The following OPCML variants were observed in gnomAD, a reference collection of about 807,000 sequenced individuals.
The protein encoded by OPCML is opioid binding protein/cell adhesion molecule like.
A neutral mutation model predicts 37.8 loss-of-function variants in OPCML; 13 were observed. The ratio of observed to expected loss-of-function variants is 0.34; its 90% CI spans 0.22 to 0.55. The LOEUF (loss-of-function observed/expected upper bound fraction) is 0.55, where lower values mean the gene tolerates loss of function less well. Ranked by LOEUF, OPCML falls within the 20% of genes least tolerant of loss-of-function variation. The probability of loss-of-function intolerance (pLI) is 0.91; values close to 1 mark genes in which losing one functional copy is unlikely to be tolerated. For synonymous variants in OPCML, 176 were observed against 168.8 expected, an observed-to-expected ratio of 1.04 and a Z score of -0.33; for missense variants, 341 against 435.6, an observed-to-expected ratio of 0.78 and a Z score of 1.93.
intron 4 of OPCML, among the ~76,000 whole-genome samples, chr11:132,507,724 A>T (rs1387759817): frequency 6.6e-6 from 1 of 151,884 alleles, no homozygotes; most frequent in Non-Finnish European, 1.5e-5. Flanking sequence ...TCATAGTTCA[A>T]ATAGAGGATC....
chr11:133,347,553 T>C (rs566186031), intron 1 of OPCML, among the ~76,000 whole-genome samples: 1 of 152,324 alleles, frequency 6.6e-6, no homozygotes, highest in East Asian at 1.9e-4. Context: ...TGGAATTTAC[T>C]ATCCACTGAG....
intron 1 of OPCML, among the ~76,000 whole-genome samples, chr11:132,944,472 C>T (rs934713633): frequency 1.3e-5 from 2 of 152,166 alleles, no homozygotes; most frequent in Non-Finnish European, 2.9e-5. Flanking sequence ...GGACCCACCT[C>T]GGAAACGCCC....
intron 3 of OPCML, among the ~76,000 whole-genome samples, chr11:132,630,485 T>C (rs531445130): frequency 6.6e-6 from 1 of 152,264 alleles, no homozygotes; most frequent in South Asian, 2.1e-4. Context: ...TATGAGAGAA[T>C]GTATTTGTTA....
chr11:133,250,538 AAGGAAG>A (rs1941096001), intron 1 of OPCML, among the ~76,000 whole-genome samples: 1 of 76,574 alleles, frequency 1.3e-5, no homozygotes, highest in Admixed American at 2.1e-4. Context: ...GGAGGGAGGG[AAGGAAG>A]GAAGGAAGGA....
At chr11:132,757,794 T>C (rs1380045331) in intron 2 of OPCML, among the ~76,000 whole-genome samples, 3 of 152,102 alleles carry the variant, frequency 2.0e-5, no homozygotes, top group African/African-American at 4.8e-5. Flanking sequence ...AGAAACTCTT[T>C]AGTTTAATTA....
chr11:132,423,151 C>T (rs1592151491), intron 7 of OPCML, among the ~76,000 whole-genome samples: 1 of 152,150 alleles, frequency 6.6e-6, no homozygotes, highest in East Asian at 1.9e-4. Flanking sequence ...ATTCCATCTC[C>T]CCTGAGACAG....
chr11:133,366,914 G>A (rs1469962608), intron 1 of OPCML, among the ~76,000 whole-genome samples: 2 of 152,090 alleles, frequency 1.3e-5, no homozygotes, highest in Non-Finnish European at 2.9e-5. Context: ...GACACCCAGC[G>A]GGACAACCCG....
chr11:133,264,122 G>C (rs968814246), intron 1 of OPCML, among the ~76,000 whole-genome samples: 2 of 152,148 alleles, frequency 1.3e-5, no homozygotes, highest in African/African-American at 4.8e-5. Context: ...TCAACCATTT[G>C]AGTTGCTGAG....
chr11:132,440,719 C>T (rs2096029860), intron 4 of OPCML, among the ~76,000 whole-genome samples: 1 of 152,144 alleles, frequency 6.6e-6, no homozygotes, highest in South Asian at 2.1e-4. Context: ...CATGTTTCTT[C>T]GTTGAAAAAG....
intron 2 of OPCML, among the ~76,000 whole-genome samples, chr11:132,816,624 A>G (rs781318950): frequency 1.6e-4 from 25 of 152,306 alleles, no homozygotes; most frequent in Non-Finnish European, 3.1e-4. Context: ...TTCAGGGAAC[A>G]AGGCTATTAC....
At chr11:133,392,650 G>A (rs913078191) in intron 1 of OPCML, among the ~76,000 whole-genome samples, 23 of 152,186 alleles carry the variant, frequency 1.5e-4, no homozygotes, top group African/African-American at 5.5e-4. Flanking sequence ...TAGCTCCAAG[G>A]AGTTGCCCTT....
chr11:132,829,722 T>A (rs539587255), intron 2 of OPCML, among the ~76,000 whole-genome samples: 8 of 152,318 alleles, frequency 5.3e-5, no homozygotes, highest in African/African-American at 1.9e-4. Flanking sequence ...CAGAATCCTT[T>A]CTGTTTTTGG....
intron 1 of OPCML, among the ~76,000 whole-genome samples, chr11:133,248,616 A>T (rs1275936641): frequency 6.6e-6 from 1 of 152,232 alleles, no homozygotes; most frequent in African/African-American, 2.4e-5. Flanking sequence ...GCTGCTCAGC[A>T]TGAGGTTCTG....
intron 2 of OPCML, among the ~76,000 whole-genome samples, chr11:132,744,557 A>G (rs1201836722): frequency 6.6e-6 from 1 of 152,138 alleles, no homozygotes; most frequent in Non-Finnish European, 1.5e-5. Context: ...AGGTCTCAAT[A>G]CTCATCTGTT....
chr11:132,454,146 C>T (rs1592199239), intron 4 of OPCML, among the ~76,000 whole-genome samples: 2 of 152,196 alleles, frequency 1.3e-5, no homozygotes, highest in Admixed American at 6.5e-5. Flanking sequence ...CAACATGTAT[C>T]TATTGCATCA....
chr11:132,879,602 T>C (rs186599896), intron 2 of OPCML, among the ~76,000 whole-genome samples: 2 of 152,294 alleles, frequency 1.3e-5, no homozygotes, highest in East Asian at 3.9e-4. Context: ...GTGATAAAAA[T>C]ATGATGGGTG....
intron 1 of OPCML, among the ~76,000 whole-genome samples, chr11:133,109,722 G>A (rs1440188051): frequency 6.6e-6 from 1 of 152,126 alleles, no homozygotes; most frequent in African/African-American, 2.4e-5. Context: ...GACCTCTTTG[G>A]CATTGCCTCA....
At chr11:132,951,909 T>C (rs1039139797) in intron 1 of OPCML, among the ~76,000 whole-genome samples, 3 of 152,260 alleles carry the variant, frequency 2.0e-5, no homozygotes, top group Non-Finnish European at 4.4e-5. Context: ...CTGGAGGGGC[T>C]GTCCAGATGA....
Position 133,002,939 on chromosome 11 carries a change from G to C in OPCML, c.62-59929C>G, listed in dbSNP as rs571824274. ...CTTTAGAACAACTCCAGGAATTGTAGTTCTCTTTTTCATATCAGTGGGGGG... is the reference window on the plus strand; with the variant it reads ...CTTTAGAACAACTCCAGGAATTGTACTTCTCTTTTTCATATCAGTGGGGGG... On this transcript the variant is annotated intron_variant, in intron 1 of 7. Transcript: ENST00000524381. Among the ~76,000 whole-genome samples, 12 of 152,194 alleles carry C rather than the reference G, an allele frequency of 7.9e-5. No homozygotes were observed. The South Asian group carries it at 2.5e-3, about 32-fold the overall frequency.
Sources: gnomAD v4.1 joint callset for allele counts (sites outside exome capture counted in the v4.1 genomes callset) on GRCh38, gnomAD v4.1.1 for gene constraint, MANE v1.5 for transcripts, NCBI Gene and HGNC (gene_info 2026-07-23, HGNC 2026-07-21) for gene names.